KLRF1: variants seen among roughly 807,000 people sequenced by gnomAD.
KLRF1 encodes the protein killer cell lectin like receptor F1.
A neutral mutation model predicts 30.7 loss-of-function variants in KLRF1; 27 were observed. That is an observed-to-expected ratio of 0.88 (90% CI 0.65 to 1.21). The LOEUF (loss-of-function observed/expected upper bound fraction) is 1.21. Ranked by LOEUF, KLRF1 falls within the 50% of genes most tolerant of loss-of-function variation. The probability of loss-of-function intolerance (pLI) is 0.00; values close to 1 mark genes in which losing one functional copy is unlikely to be tolerated. For synonymous variants in KLRF1, 92 were observed against 89.3 expected (o/e 1.03, Z -0.17); for missense variants, 246 against 259.3 (o/e 0.95, Z 0.35).
upstream of KLRF1, among the ~76,000 whole-genome samples, chr12:9,823,259 C>CA (rs1565501528): frequency 7.0e-6 from 1 of 143,574 alleles, no homozygotes; most frequent in Non-Finnish European, 1.5e-5. Flanking sequence ...AACCAAAAAA[C>CA]AAAAAAAGCA....
intron 1 of KLRF1, among the ~76,000 whole-genome samples, chr12:9,829,778 T>C (rs1405787604): frequency 6.6e-6 from 1 of 152,134 alleles, no homozygotes; most frequent in Non-Finnish European, 1.5e-5. Flanking sequence ...AATAAGAATT[T>C]AAAAAGTTTA....
chr12:9,819,874 C>T, the KLRF1 span, among the ~76,000 whole-genome samples: 130 of 152,328 alleles, frequency 8.5e-4, 4 homozygotes, highest in East Asian at 0.014. Context: ...TTACAACCAC[C>T]GGGTGTTTTC....
At chr12:9,832,245 A>T in intron 1 of KLRF1, 71 bp from the exon 2 acceptor site, 1 of 817,526 alleles carries the variant, frequency 1.2e-6, no homozygotes, top group South Asian at 1.6e-5. Flanking sequence ...CAATCCTATT[A>T]TTACAATTGC....
chr12:9,832,084 C>A (rs753459144), intron 1 of KLRF1, among the ~76,000 whole-genome samples: 1 of 152,194 alleles, frequency 6.6e-6, no homozygotes, highest in East Asian at 1.9e-4. Flanking sequence ...TAAATATTAG[C>A]AATTTCTTCA....
chr12:9,813,974 A>G, the KLRF1 span, among the ~76,000 whole-genome samples: 1 of 152,090 alleles, frequency 6.6e-6, no homozygotes, highest in Admixed American at 6.5e-5. Context: ...AGCCCCAACA[A>G]GACTTCATCC....
chr12:9,803,299 C>T, the KLRF1 span, among the ~76,000 whole-genome samples: 3 of 152,042 alleles, frequency 2.0e-5, no homozygotes, highest in African/African-American at 7.2e-5. Context: ...GCACCTTATA[C>T]AAAAATTAAC....
chr12:9,830,229 G>T (rs1867381981), intron 1 of KLRF1, among the ~76,000 whole-genome samples: 1 of 151,942 alleles, frequency 6.6e-6, no homozygotes. Flanking sequence ...AGTGGTTACT[G>T]GATTATACAG....
chr12:9,806,827 C>A, the KLRF1 span, among the ~76,000 whole-genome samples: 1 of 151,930 alleles, frequency 6.6e-6, no homozygotes, highest in Non-Finnish European at 1.5e-5. Flanking sequence ...ACGACAGGCA[C>A]ATGCCACTAT....
chr12:9,822,738 A>G (rs1159927968), upstream of KLRF1, among the ~76,000 whole-genome samples: 3 of 152,148 alleles, frequency 2.0e-5, no homozygotes, highest in Non-Finnish European at 4.4e-5. Flanking sequence ...CTCACACACA[A>G]TGACACACAG....
At chr12:9,800,417 T>C in the KLRF1 span, among the ~76,000 whole-genome samples, 1 of 152,036 alleles carries the variant, frequency 6.6e-6, no homozygotes, top group Non-Finnish European at 1.5e-5. Context: ...ATCACCCAAG[T>C]AGTGCACTCT....
At chr12:9,835,001 G>A (rs997455846) in intron 3 of KLRF1, among the ~76,000 whole-genome samples, 2 of 152,068 alleles carry the variant, frequency 1.3e-5, no homozygotes, top group African/African-American at 4.8e-5. Context: ...GAGAGGCTAT[G>A]GAAGGTCGTG....
chr12:9,814,699 GC>G, the KLRF1 span, among the ~76,000 whole-genome samples: 22 of 152,248 alleles, frequency 1.4e-4, no homozygotes, highest in Admixed American at 1.3e-3. Context: ...TCATTCAGTG[GC>G]CTGGGGACCG....
the KLRF1 span, among the ~76,000 whole-genome samples, chr12:9,803,756 T>A: frequency 8.2e-3 from 1,246 of 152,210 alleles, 13 homozygotes; most frequent in African/African-American, 0.028. Flanking sequence ...ACTGCATTTA[T>A]GTGAGTCTAC....
chr12:9,804,311 G>A, the KLRF1 span, among the ~76,000 whole-genome samples: 8 of 151,616 alleles, frequency 5.3e-5, no homozygotes, highest in Admixed American at 4.6e-4. Context: ...ATGAATTGTA[G>A]GAGTTCTTTA....
chr12:9,839,146 G>A (rs1006789525), intron 3 of KLRF1, among the ~76,000 whole-genome samples: 8 of 152,034 alleles, frequency 5.3e-5, no homozygotes, highest in African/African-American at 1.9e-4. Flanking sequence ...AAGACTGGAA[G>A]ACTGAGATCA....
At chr12:9,835,565 A>T (rs1867557674) in intron 3 of KLRF1, among the ~76,000 whole-genome samples, 1 of 152,056 alleles carries the variant, frequency 6.6e-6, no homozygotes, top group African/African-American at 2.4e-5. Flanking sequence ...ATACAGGGTA[A>T]GTGTCTTCCT....
At chr12:9,825,729 G>A (rs1867273660), upstream of KLRF1, among the ~76,000 whole-genome samples, 1 of 152,186 alleles carries the variant, frequency 6.6e-6, no homozygotes, top group Non-Finnish European at 1.5e-5. Context: ...AGAGTGAACA[G>A]ATAATCTACA....
upstream of KLRF1, among the ~76,000 whole-genome samples, chr12:9,826,993 C>G (rs139312091): frequency 1.6e-4 from 24 of 152,118 alleles, 1 homozygote; most frequent in African/African-American, 5.8e-4. Flanking sequence ...ACCTATATAA[C>G]AAACCTACAC....
the KLRF1 span, among the ~76,000 whole-genome samples, chr12:9,822,030 C>A: frequency 2.6e-5 from 4 of 152,234 alleles, no homozygotes; most frequent in Non-Finnish European, 4.4e-5. Flanking sequence ...ATGCAATCTA[C>A]ATCATGGCTA....
Sources: allele counts gnomAD v4.1 joint callset (sites outside exome capture counted in the v4.1 genomes callset), GRCh38; gene constraint gnomAD v4.1.1; transcripts MANE v1.5; gene names NCBI Gene and HGNC (gene_info 2026-07-23, HGNC 2026-07-21).